Variants in GRIA1 observed in about 807,000 individuals in gnomAD.
GRIA1 encodes the protein glutamate ionotropic receptor AMPA type subunit 1.
Under a neutral mutation model 99.2 loss-of-function variants are expected in GRIA1, and 31 were observed. That is an observed-to-expected ratio of 0.31 (90% confidence interval 0.23 to 0.42). The LOEUF (loss-of-function observed/expected upper bound fraction) is 0.42. GRIA1 is among the 10% of genes least tolerant of loss of function. The probability of loss-of-function intolerance (pLI) is 1.00; values close to 1 mark genes in which losing one functional copy is unlikely to be tolerated. For synonymous variants in GRIA1, 438 were observed against 432.4 expected (o/e 1.01, Z -0.16); for missense variants, 782 against 1,157.5 (o/e 0.68, Z 4.71).
intron 7 of GRIA1, among the ~76,000 whole-genome samples, chr5:153,679,431 C>G (rs1419729643): frequency 6.6e-6 from 1 of 152,112 alleles, no homozygotes; most frequent in Non-Finnish European, 1.5e-5. Context: ...TCTTCTTTTC[C>G]CTCACTTTAT....
At chr5:153,641,069 A>G (rs1301839217) in intron 2 of GRIA1, among the ~76,000 whole-genome samples, 1 of 152,170 alleles carries the variant, frequency 6.6e-6, no homozygotes, top group Admixed American at 6.5e-5. Flanking sequence ...CGTTAGAGTA[A>G]GATGATGAAG....
intron 5 of GRIA1, 42 bp from the exon 6 acceptor site, chr5:153,674,458 C>A: frequency 6.2e-7 from 1 of 1,608,428 alleles, no homozygotes; most frequent in African/African-American, 1.3e-5. Context: ...TTGATTTATC[C>A]AGGCAGCATG....
chr5:153,608,228 C>T (rs74883377), intron 2 of GRIA1, among the ~76,000 whole-genome samples: 1,856 of 152,042 alleles, frequency 0.012, 23 homozygotes, highest in African/African-American at 0.033. Context: ...TGGTTAGTTG[C>T]GATTCTTTTT....
chr5:153,492,023 G>T (rs1184801187), intron 1 of GRIA1: 4 of 802,872 alleles, frequency 5.0e-6, no homozygotes, highest in African/African-American at 3.4e-5. Context: ...TTTGTGTCCC[G>T]GAATGAAGCA....
chr5:153,792,447 T>A (rs933008772), intron 13 of GRIA1, among the ~76,000 whole-genome samples: 1 of 152,198 alleles, frequency 6.6e-6, no homozygotes, highest in Non-Finnish European at 1.5e-5. Context: ...TTTTAGTTGA[T>A]CCCTATAGCT....
chr5:153,563,707 A>C (rs74474458), intron 2 of GRIA1, among the ~76,000 whole-genome samples: 14,665 of 152,186 alleles, frequency 0.096, 762 homozygotes, highest in South Asian at 0.19. Flanking sequence ...TTGAAGAAGG[A>C]GCATCGTATC....
chr5:153,502,728 GT>G (rs1371386646), intron 2 of GRIA1, among the ~76,000 whole-genome samples: 9 of 152,194 alleles, frequency 5.9e-5, no homozygotes, highest in Non-Finnish European at 1.3e-4. Flanking sequence ...AAATGAGGCA[GT>G]TGGAGGCTAA....
At chr5:153,581,853 G>T (rs112123039) in intron 2 of GRIA1, among the ~76,000 whole-genome samples, 4,539 of 151,266 alleles carry the variant, frequency 0.03, 142 homozygotes, top group African/African-American at 0.073. Flanking sequence ...TGCCTCCAAG[G>T]TTCAACCTAT....
chr5:153,596,319 A>T (rs1764426525), intron 2 of GRIA1, among the ~76,000 whole-genome samples: 1 of 152,174 alleles, frequency 6.6e-6, no homozygotes, highest in Non-Finnish European at 1.5e-5. Context: ...CAGCCACTTT[A>T]TTTTTGTTCA....
chr5:153,589,909 C>G (rs1468449380), intron 2 of GRIA1, among the ~76,000 whole-genome samples: 1 of 152,136 alleles, frequency 6.6e-6, no homozygotes, highest in Non-Finnish European at 1.5e-5. Flanking sequence ...TTCAGGTGTG[C>G]TGAGCTCACA....
Position 153,655,880 on chromosome 5 carries a change from G to C in GRIA1, c.699+8G>C. 1.2e-6 allele frequency: 2 copies of C among 1,612,170 alleles called. No individual in the cohort carries two copies. Among genetic ancestry groups the C allele is most frequent in the African/African-American group, 1.3e-5 (1 of 74,948 alleles). On this transcript the variant is annotated splice_region_variant and intron_variant, in intron 5 of 15. Coordinates refer to ENST00000285900, the MANE Select transcript of GRIA1 (RefSeq NM_000827.4). ...TACATTCTTGCAAATCTGGTGAGTA[G>C]AGCACTGCAGGCTCTCAGCTCAAGT... is the stretch of plus-strand genomic sequence containing the variant.
chr5:153,757,155 T>A (rs974400453), intron 11 of GRIA1, among the ~76,000 whole-genome samples: 4 of 152,124 alleles, frequency 2.6e-5, no homozygotes, highest in African/African-American at 9.7e-5. Flanking sequence ...TGAATTTTTT[T>A]AAATGCAATA....
chr5:153,629,804 T>C (rs58880393), intron 2 of GRIA1, among the ~76,000 whole-genome samples: 35,401 of 152,222 alleles, frequency 0.23, 4,533 homozygotes, highest in Non-Finnish European at 0.3. Context: ...ATTTATTTCA[T>C]TTTCTCATGC....
intron 5 of GRIA1, among the ~76,000 whole-genome samples, chr5:153,657,277 G>A (rs1755028266): frequency 6.6e-6 from 1 of 152,142 alleles, no homozygotes; most frequent in African/African-American, 2.4e-5. Context: ...TTTCCAAAGT[G>A]GCTGCATCAC....
At position 153,813,172 on chromosome 5, in the gene GRIA1, A is replaced by G. The variant is rs1008616577; in HGVS notation, c.*1947A>G. ...CGTGTCAATGTGGTCATGGTTCATG[A>G]AACCGGACCCTCAAGATGGATGATT... On this transcript the variant is annotated 3_prime_UTR_variant, in exon 16 of 16. Transcript: ENST00000285900. 19 of 152,204 alleles carry G rather than the reference A, an allele frequency of 1.2e-4. No homozygotes were observed. The highest frequency in any genetic ancestry group is 4.1e-4 in the African/African-American group (17 of 41,432). The allele number at this position is 152,204 out of a possible 1,614,324, so 9.4% of individuals were successfully genotyped here.
intron 11 of GRIA1, among the ~76,000 whole-genome samples, chr5:153,718,477 A>T (rs1759817092): frequency 6.6e-6 from 1 of 152,296 alleles, no homozygotes; most frequent in Middle Eastern, 3.4e-3. Context: ...TATTCAGACA[A>T]ACCTGGGTTT....
At chr5:153,758,169 A>G (rs1473729319) in intron 11 of GRIA1, among the ~76,000 whole-genome samples, 4 of 152,088 alleles carry the variant, frequency 2.6e-5, no homozygotes, top group African/African-American at 4.8e-5. Flanking sequence ...TTTTGAAACT[A>G]GAAAACATGT....
intron 14 of GRIA1, among the ~76,000 whole-genome samples, chr5:153,797,836 C>T (rs1210681806): frequency 1.3e-5 from 2 of 152,284 alleles, no homozygotes; most frequent in East Asian, 3.9e-4. Context: ...CATCCCATGT[C>T]GCTCTTGGGG....
chr5:153,674,692 C>A, intron 6 of GRIA1, 31 bp downstream of exon 6: 1 of 1,602,880 alleles, frequency 6.2e-7, no homozygotes, highest in Admixed American at 1.7e-5. Flanking sequence ...CAGCAAAGGG[C>A]CAGCCTGGTC....
Sources: gnomAD v4.1 joint callset for allele counts (sites outside exome capture counted in the v4.1 genomes callset) on GRCh38, gnomAD v4.1.1 for gene constraint, MANE v1.5 for transcripts, NCBI Gene and HGNC (gene_info 2026-07-23, HGNC 2026-07-21) for gene names.